SLA: variants seen among roughly 807,000 people sequenced by gnomAD.
The protein encoded by SLA is src-like-adapter.
SLA carries 16 observed loss-of-function variants against 30.3 expected under a neutral mutation model. The observed-to-expected ratio is 0.53, with a 90% CI of 0.36 to 0.80. SLA has a LOEUF of 0.80. SLA is among the 30% of genes least tolerant of loss of function. SLA has a pLI of 0.01. For synonymous variants in SLA, 143 were observed against 137.8 expected (o/e 1.04, Z -0.26); for missense variants, 310 against 345.2 (o/e 0.90, Z 0.81).
At chr8:133,070,743 G>C (rs1421389515) in intron 2 of SLA, among the ~76,000 whole-genome samples, 1 of 152,182 alleles carries the variant, frequency 6.6e-6, no homozygotes, top group Admixed American at 6.5e-5. Flanking sequence ...TAAGAGCTGG[G>C]TCTGCTGGCA....
chr8:133,092,559 A>G (rs1225181756), intron 1 of SLA, among the ~76,000 whole-genome samples: 1 of 152,126 alleles, frequency 6.6e-6, no homozygotes, highest in Non-Finnish European at 1.5e-5. Flanking sequence ...TGTGCAGAGG[A>G]CACGCTTCTT....
At chr8:133,100,710 A>G (rs985978264) in intron 1 of SLA, among the ~76,000 whole-genome samples, 4 of 152,206 alleles carry the variant, frequency 2.6e-5, no homozygotes, top group East Asian at 1.9e-4. Flanking sequence ...AGAGCCTTCC[A>G]TCTACCATCA....
chr8:133,059,835 TAA>T (rs1170901143), intron 3 of SLA, among the ~76,000 whole-genome samples: 1 of 152,114 alleles, frequency 6.6e-6, no homozygotes, highest in Non-Finnish European at 1.5e-5. Context: ...ATCTGGAAAA[TAA>T]AGTGATTAAA....
At chr8:133,057,445 T>G (rs1305345456) in intron 3 of SLA, among the ~76,000 whole-genome samples, 1 of 152,228 alleles carries the variant, frequency 6.6e-6, no homozygotes, top group Non-Finnish European at 1.5e-5. Context: ...TTTTGGGGAA[T>G]GGCCATTTAG....
At chr8:133,051,736 A>G (rs1314378376) in intron 3 of SLA, among the ~76,000 whole-genome samples, 1 of 152,176 alleles carries the variant, frequency 6.6e-6, no homozygotes, top group African/African-American at 2.4e-5. Flanking sequence ...GATTTGATGT[A>G]ATTCAGATGC....
At chr8:133,096,134 T>A in intron 1 of SLA, 1 of 1,579,858 alleles carries the variant, frequency 6.3e-7, no homozygotes, top group Non-Finnish European at 8.7e-7. Flanking sequence ...TTCAGTATGG[T>A]TAAGACCTCT....
rs1469876400 is a variant in SLA, at chr8:133,096,310, G to C, written c.-319+6243C>G. The C allele has an allele frequency of 1.9e-6, 3 of 1,614,192 alleles. No individual in the cohort carries two copies. In the African/African-American group the frequency reaches 4.0e-5, roughly 22 times the overall value. On this transcript the variant is annotated intron_variant, in intron 1 of 8. Transcript: ENST00000338087. ...CACTGAAGAGGTCTTTATGGGTAGA[G>C]GTCGATCTGCTCATTGGGAGTTCTC...
intron 5 of SLA, 113 bp from the exon 6 acceptor site, chr8:133,048,046 A>G: frequency 1.6e-6 from 1 of 616,048 alleles, no homozygotes; most frequent in Non-Finnish European, 2.9e-6. Context: ...ACCTCAACCC[A>G]CTGAGACAGG....
At chr8:133,080,589 C>T (rs1403103568) in intron 1 of SLA, among the ~76,000 whole-genome samples, 1 of 152,162 alleles carries the variant, frequency 6.6e-6, no homozygotes, top group Non-Finnish European at 1.5e-5. Context: ...AACTCAGGAC[C>T]ATCTTCATCC....
At chr8:133,057,803 G>T (rs1234372480) in intron 3 of SLA, among the ~76,000 whole-genome samples, 2 of 151,950 alleles carry the variant, frequency 1.3e-5, no homozygotes, top group African/African-American at 4.8e-5. Flanking sequence ...AAACAGATGG[G>T]TAAAGCCATG....
chr8:133,043,931 C>T (rs1268634277), intron 7 of SLA, among the ~76,000 whole-genome samples: 5 of 152,176 alleles, frequency 3.3e-5, no homozygotes, highest in Admixed American at 3.3e-4. Context: ...GGGAGGATGG[C>T]AATGTTCCGC....
intron 5 of SLA, 26 bp downstream of exon 5, chr8:133,049,876 T>A: frequency 7.0e-7 from 1 of 1,430,680 alleles, no homozygotes; most frequent in Non-Finnish European, 9.9e-7. Flanking sequence ...CATGCTTAAT[T>A]GCTGCCATTT....
At chr8:133,061,685 C>T (rs928651830) in intron 2 of SLA, among the ~76,000 whole-genome samples, 1 of 152,208 alleles carries the variant, frequency 6.6e-6, no homozygotes, top group Non-Finnish European at 1.5e-5. Context: ...GGAAACTAAT[C>T]TCCCACCTAC....
intron 1 of SLA, among the ~76,000 whole-genome samples, chr8:133,091,741 T>G (rs1482691493): frequency 6.6e-6 from 1 of 151,976 alleles, no homozygotes; most frequent in East Asian, 1.9e-4. Flanking sequence ...TGTGTGTGGG[T>G]GTATATTTCT....
intron 1 of SLA, among the ~76,000 whole-genome samples, chr8:133,085,735 T>C (rs1027071858): frequency 2.0e-5 from 3 of 152,204 alleles, no homozygotes; most frequent in African/African-American, 7.2e-5. Flanking sequence ...TTACTGAAGA[T>C]ATGAAGAAGT....
At position 133,075,145 on chromosome 8, in the gene SLA, G is replaced by A. The variant is rs74564551; in HGVS notation, c.-318-15C>T. ...CTCTGCAAGGACTGGGAAGATAGAT[G>A]GGTTATTAATTTTTTTACAAAGCAT... On this transcript the variant is annotated splice_polypyrimidine_tract_variant and intron_variant, in intron 1 of 8. Transcript: ENST00000338087. The A allele has an allele frequency of 1.0e-6, 1 of 984,874 alleles. No individual in the cohort carries two copies. The highest frequency in any genetic ancestry group is 1.2e-6 in the Non-Finnish European group (1 of 829,430). The allele number at this position is 984,874 out of a possible 1,614,324, so 61.0% of individuals were successfully genotyped here. A position where few individuals can be genotyped will look rare whatever the true frequency, so the allele number is the denominator to read the frequency against.
At chr8:133,054,315 G>C (rs377318620) in intron 3 of SLA, among the ~76,000 whole-genome samples, 91 of 152,288 alleles carry the variant, frequency 6.0e-4, no homozygotes, top group African/African-American at 2.1e-3. Flanking sequence ...TATGCACTGC[G>C]CATGAAAGAA....
At chr8:133,066,875 T>C (rs1268350664) in intron 2 of SLA, among the ~76,000 whole-genome samples, 1 of 152,228 alleles carries the variant, frequency 6.6e-6, no homozygotes, top group Non-Finnish European at 1.5e-5. Context: ...GTGCAGGGGC[T>C]GGGGGGTTGG....
At chr8:133,069,566 G>A (rs189912219) in intron 2 of SLA, among the ~76,000 whole-genome samples, 75 of 152,254 alleles carry the variant, frequency 4.9e-4, no homozygotes, top group Non-Finnish European at 8.7e-4. Context: ...ACAATTCGAC[G>A]GTCATTTGTG....
Sources: gnomAD v4.1 joint callset for allele counts (sites outside exome capture counted in the v4.1 genomes callset) on GRCh38, gnomAD v4.1.1 for gene constraint, MANE v1.5 for transcripts, NCBI Gene and HGNC (gene_info 2026-07-23, HGNC 2026-07-21) for gene names.